Variants in ZBTB1 observed in about 807,000 individuals in gnomAD.
ZBTB1 encodes zinc finger and BTB domain containing 1.
ZBTB1 carries 13 observed loss-of-function variants against 51.6 expected under a neutral mutation model. That is an observed-to-expected ratio of 0.25 (90% CI 0.16 to 0.40). ZBTB1 has a LOEUF of 0.40. ZBTB1 is among the 10% of genes least tolerant of loss of function. The pLI, the probability that ZBTB1 is intolerant of heterozygous loss-of-function variation, is 1.00. For missense variants in ZBTB1, 567 were observed against 856.5 expected (o/e 0.66, Z 4.22); for synonymous variants, 240 against 282.2 (o/e 0.85, Z 1.50).
upstream of ZBTB1, chr14:64,504,616 T>C (rs1052876634): frequency 1.0e-5 from 3 of 296,922 alleles, no homozygotes; most frequent in African/African-American, 6.6e-5. Flanking sequence ...CGGGTGCCCC[T>C]AGCAGCCAGC....
In ZBTB1 at chr14:64,523,203, A is replaced by G. The variant is rs772051800; in HGVS notation, c.1699A>G (p.Met567Val). 4.3e-6 allele frequency: 7 copies of G among 1,614,110 alleles called. No individual in the cohort carries two copies. In the Admixed American group the frequency reaches 1.2e-4, roughly 27 times the overall value. ...TCAAGATATGTTTAAGAGTGCCATC[A>G]TGGAAGAAAATGAAAGAGATCACAG... ...LDQDMFKSAI[M>V]EENERDHRRK... Residue 567 changes from methionine (M) to valine (V), a missense_variant, in exon 2 of 2, where the codon ATG (methionine) becomes GTG (valine). Coordinates refer to ENST00000683701, the MANE Select transcript of ZBTB1 (RefSeq NM_001123329.2). This position sits in a 1 kb window ranked among gnomAD's most constrained non-coding sequence, Gnocchi z 4.5.
At chr14:64,505,180 A>G (rs1035498080) in intron 1 of ZBTB1, 23 of 328,552 alleles carry the variant, frequency 7.0e-5, no homozygotes, top group Admixed American at 2.5e-4. Context: ...CGAAGCCCCT[A>G]CGGAGACTAG....
chr14:64,531,869 T>C (rs1026572286), exon 3 of ZBTB1: 8 of 1,613,756 alleles, frequency 5.0e-6, no homozygotes, highest in Middle Eastern at 1.7e-4. Flanking sequence ...AGTGGTGAAA[T>C]AGGGCCTTCT....
At chr14:64,530,897 G>A (rs1412931461) in intron 2 of ZBTB1, among the ~76,000 whole-genome samples, 1 of 152,100 alleles carries the variant, frequency 6.6e-6, no homozygotes, top group Non-Finnish European at 1.5e-5. Flanking sequence ...GCTCTGAACT[G>A]AACATATCAA....
intron 1 of ZBTB1, 50 bp from the exon 2 acceptor site, chr14:64,521,437 C>A: frequency 4.2e-6 from 6 of 1,435,824 alleles, no homozygotes; most frequent in Non-Finnish European, 5.6e-6. Flanking sequence ...TTAATTTTGT[C>A]AAGTGCTTTT....
At chr14:64,531,667 A>C (rs1339314536) in intron 2 of ZBTB1, among the ~76,000 whole-genome samples, 1 of 152,148 alleles carries the variant, frequency 6.6e-6, no homozygotes, top group Non-Finnish European at 1.5e-5. Flanking sequence ...TTTGAATGGT[A>C]CGAGTTACAT....
chr14:64,529,401 A>G (rs893657894), downstream of ZBTB1, among the ~76,000 whole-genome samples: 3 of 152,198 alleles, frequency 2.0e-5, no homozygotes, highest in Admixed American at 6.5e-5. Context: ...ATTTGAAAAT[A>G]AATATTCCCA....
chr14:64,531,819 T>C (rs750540587), intron 2 of ZBTB1: 1 of 1,612,394 alleles, frequency 6.2e-7, no homozygotes, highest in Non-Finnish European at 8.5e-7. Context: ...AGTCAACTTG[T>C]AATATTATTT....
At chr14:64,507,008 T>G (rs2079669789) in intron 1 of ZBTB1, among the ~76,000 whole-genome samples, 1 of 152,366 alleles carries the variant, frequency 6.6e-6, no homozygotes, top group African/African-American at 2.4e-5. Context: ...GTATCTCGTT[T>G]TCTTTGTAGC....
chr14:64,505,784 G>A (rs1330357739), intron 1 of ZBTB1, among the ~76,000 whole-genome samples: 1 of 152,240 alleles, frequency 6.6e-6, no homozygotes. Context: ...ACATTTGTGT[G>A]TGATAACGTT....
Position 64,523,848 on chromosome 14 carries a change from G to T in ZBTB1, c.*202G>T, listed in dbSNP as rs1462685908. On this transcript the variant is annotated 3_prime_UTR_variant, in exon 2 of 2. Transcript: ENST00000683701. The surrounding 1 kb of genome is among the most constrained non-coding windows in gnomAD (Gnocchi z 4.5). ...TTATCATTTTTGTTGTTTCTTAATA[G>T]AATTATTTGTTTTTAGTTTTTCTTA... 9 of 1,250,372 alleles carry T rather than the reference G, an allele frequency of 7.2e-6. No individual in the cohort carries two copies. The highest frequency in any genetic ancestry group is 3.0e-5 in the South Asian group (1 of 33,434). The allele number at this position is 1,250,372 out of a possible 1,614,324, so 77.5% of individuals were successfully genotyped here. A position where few individuals can be genotyped will look rare whatever the true frequency, so the allele number is the denominator to read the frequency against.
intron 1 of ZBTB1, 148 bp from the exon 2 acceptor site, chr14:64,521,339 G>A: frequency 3.4e-6 from 2 of 592,800 alleles, no homozygotes; most frequent in Non-Finnish European, 5.6e-6. Context: ...AATGATTCAA[G>A]TATATATTAT....
chr14:64,528,077 G>A (rs1297880663), downstream of ZBTB1, among the ~76,000 whole-genome samples: 1 of 152,170 alleles, frequency 6.6e-6, no homozygotes, highest in East Asian at 1.9e-4. Context: ...CTTTTTCCCT[G>A]GTTAAACAAT....
chr14:64,513,159 TAC>T (rs961236723), intron 1 of ZBTB1, among the ~76,000 whole-genome samples: 1 of 152,078 alleles, frequency 6.6e-6, no homozygotes, highest in African/African-American at 2.4e-5. Flanking sequence ...TATGCACACA[TAC>T]ACACATACAT....
At chr14:64,505,033 C>T (rs1189652975) in intron 1 of ZBTB1, 87 bp downstream of exon 1, 4 of 380,336 alleles carry the variant, frequency 1.1e-5, no homozygotes, top group African/African-American at 2.1e-5. Context: ...GAGTGCGGGG[C>T]CGGAGGGGCG....
chr14:64,515,859 C>T (rs1309444980), intron 1 of ZBTB1, among the ~76,000 whole-genome samples: 3 of 152,166 alleles, frequency 2.0e-5, no homozygotes, highest in African/African-American at 7.2e-5. Flanking sequence ...AAGAGATAAG[C>T]TAAAAGTCTC....
chr14:64,509,203 C>G (rs2079697300), intron 1 of ZBTB1, among the ~76,000 whole-genome samples: 1 of 152,170 alleles, frequency 6.6e-6, no homozygotes, highest in Non-Finnish European at 1.5e-5. Flanking sequence ...AACCCTGTCT[C>G]TACAAACAAT....
At chr14:64,533,025 G>T (rs993336981) in exon 3 of ZBTB1, 1 of 151,890 alleles carries the variant, frequency 6.6e-6, no homozygotes, top group Admixed American at 6.6e-5. Flanking sequence ...TTATTTTTAT[G>T]ACTATTTATT....
chr14:64,521,908 A>T lies in ZBTB1; in HGVS notation c.404A>T (p.Asn135Ile). 1 of 1,614,168 alleles carries T rather than the reference A, an allele frequency of 6.2e-7. No individual in the cohort carries two copies. Among genetic ancestry groups the T allele is most frequent in the Admixed American group, 1.7e-5 (1 of 60,030 alleles). Residue 135 changes from asparagine to isoleucine, a missense_variant, in exon 2 of 2, where the codon AAC becomes ATC. Asn to Ile is a moderately radical substitution (Grantham distance 149). This residue lies in a region of ZBTB1 where 74 missense variants were observed against 74.9 expected (regional missense o/e 0.99). Coordinates refer to ENST00000683701, the MANE Select transcript of ZBTB1 (RefSeq NM_001123329.2). ...TCCTCTTCTGCTTCCAGCAAACAGA[A>T]CAGCAAAATGATATTTGGGGTAAGA... is the stretch of plus-strand genomic sequence containing the variant. ...KCSSSASSKQ[N>I]SKMIFGVRMY... is the part of the protein sequence containing the mutation.
Sources: gnomAD v4.1 joint callset for allele counts (sites outside exome capture counted in the v4.1 genomes callset) on GRCh38, gnomAD v4.1.1 for gene constraint, gnomAD v4.1.1 regional missense constraint, Gnocchi (gnomAD v3.1) non-coding constraint, MANE v1.5 for transcripts, NCBI Gene and HGNC (gene_info 2026-07-23, HGNC 2026-07-21) for gene names.